Variants in LY75 observed in about 807,000 individuals in gnomAD.
LY75 encodes lymphocyte antigen 75, also known as C-type lectin domain family 13 member B.
Under a neutral mutation model 231.7 loss-of-function variants are expected in LY75, and 185 were observed. That is an observed-to-expected ratio of 0.80 (90% CI 0.71 to 0.90). LY75 has a LOEUF of 0.90. Among genes scored for constraint, LY75 ranks in the 40% least tolerant of loss-of-function variants. LY75 has a pLI of 0.00. For synonymous variants in LY75, 668 were observed against 689.0 expected (o/e 0.97, Z 0.48); for missense variants, 1,947 against 2,050.2 (o/e 0.95, Z 0.97).
intron 3 of LY75, 83 bp downstream of exon 3, chr2:159,893,831 A>G (rs1685830837): frequency 6.8e-7 from 1 of 1,467,468 alleles, no homozygotes; most frequent in Non-Finnish European, 9.1e-7. Context: ...GTCACTTTTG[A>G]GTCACTTTGA....
chr2:159,822,594 C>T (rs998026316), intron 28 of LY75, among the ~76,000 whole-genome samples: 11 of 152,226 alleles, frequency 7.2e-5, no homozygotes, highest in African/African-American at 2.7e-4. Context: ...AGCAGCGGAC[C>T]TCCCAGCACA....
intron 21 of LY75, 129 bp downstream of exon 21, chr2:159,852,072 A>G: frequency 6.7e-6 from 9 of 1,334,142 alleles, no homozygotes; most frequent in Non-Finnish European, 8.9e-6. Flanking sequence ...ACAGAGGGCC[A>G]GGTGGGATCC....
intron 28 of LY75, among the ~76,000 whole-genome samples, chr2:159,830,436 T>C (rs1428151722): frequency 6.6e-6 from 1 of 152,280 alleles, no homozygotes; most frequent in South Asian, 2.1e-4. Flanking sequence ...TCTTTCTAAA[T>C]GCTCAGAAGC....
intron 18 of LY75, among the ~76,000 whole-genome samples, chr2:159,854,028 A>G (rs965600912): frequency 1.3e-5 from 2 of 151,994 alleles, no homozygotes; most frequent in African/African-American, 4.8e-5. Flanking sequence ...CCCAAAAATT[A>G]TTTTGCAAAG....
At chr2:159,820,019 C>T (rs1683240815) in intron 28 of LY75, 99 bp from the exon 29 acceptor site, 4 of 1,222,524 alleles carry the variant, frequency 3.3e-6, no homozygotes, top group South Asian at 3.8e-5. Flanking sequence ...TTTCTCTTTT[C>T]CCAACCTTCT....
chr2:159,861,725 G>A (rs912776247), intron 14 of LY75, among the ~76,000 whole-genome samples: 1 of 152,118 alleles, frequency 6.6e-6, no homozygotes, highest in Non-Finnish European at 1.5e-5. Flanking sequence ...GTGACACAGT[G>A]AGACTCTGTC....
At position 159,853,695 on chromosome 2, in the gene LY75, T is replaced by C. The variant is rs1560082692; in HGVS notation, c.2598A>G (p.Ile866Met). Residue 866 changes from isoleucine to methionine, a missense_variant and splice_region_variant, in exon 19 of 35, where the codon ATA (isoleucine) becomes ATG (methionine). By Grantham distance (10) the Ile-to-Met change is conservative. Transcript: ENST00000263636. ...LKAIKNKIAN[I>M]SGDGQKWWIR... ...TCCACCACTTCTGTCCATCACCAGA[T>C]ATCTGAAAAACAAGCCAAACATCCA... is the stretch of plus-strand genomic sequence containing the variant. 2 of 1,613,486 alleles carry C rather than the reference T, an allele frequency of 1.2e-6. No homozygotes were observed. The highest frequency in any genetic ancestry group is 1.7e-6 in the Non-Finnish European group (2 of 1,179,814).
intron 2 of LY75, among the ~76,000 whole-genome samples, chr2:159,894,598 A>C (rs1685856833): frequency 6.6e-6 from 1 of 152,234 alleles, no homozygotes; most frequent in African/African-American, 2.4e-5. Flanking sequence ...AAATAGTCCC[A>C]TTGTTCAGAG....
At chr2:159,874,511 A>G (rs1685151440) in intron 12 of LY75, among the ~76,000 whole-genome samples, 1 of 89,898 alleles carries the variant, frequency 1.1e-5, no homozygotes, top group Non-Finnish European at 2.3e-5. Flanking sequence ...AATCTATATA[A>G]ATATGTACAT....
intron 27 of LY75, among the ~76,000 whole-genome samples, chr2:159,833,328 G>A (rs190953776): frequency 6.6e-6 from 1 of 152,048 alleles, no homozygotes; most frequent in African/African-American, 2.4e-5. Flanking sequence ...TGTTGCCCAG[G>A]CTGGTCTTGA....
intron 6 of LY75, among the ~76,000 whole-genome samples, chr2:159,883,423 T>C (rs1464324686): frequency 6.6e-6 from 1 of 152,218 alleles, no homozygotes; most frequent in Non-Finnish European, 1.5e-5. Flanking sequence ...TATTGTTATA[T>C]TTTATAATTA....
intron 14 of LY75, among the ~76,000 whole-genome samples, chr2:159,862,291 C>CA (rs71000315): frequency 0.042 from 5,125 of 123,338 alleles, 258 homozygotes; most frequent in East Asian, 0.16. Flanking sequence ...GACTACGTCT[C>CA]AAAAAAAAAA....
At chr2:159,806,479 A>G (rs1484356489) in intron 34 of LY75, among the ~76,000 whole-genome samples, 1 of 152,226 alleles carries the variant, frequency 6.6e-6, no homozygotes, top group Non-Finnish European at 1.5e-5. Context: ...TTTAATGGTA[A>G]TTTTATGTAT....
chr2:159,858,088 TC>T (rs1444931064), intron 16 of LY75, among the ~76,000 whole-genome samples: 1 of 152,228 alleles, frequency 6.6e-6, no homozygotes, highest in African/African-American at 2.4e-5. Context: ...AAATAATATT[TC>T]ATCCAAAATC....
At chr2:159,819,983 C>T (rs1201948037) in intron 28 of LY75, 63 bp from the exon 29 acceptor site, 30 of 1,448,738 alleles carry the variant, frequency 2.1e-5, no homozygotes, top group Admixed American at 5.0e-5. Context: ...TACACTTATA[C>T]AGTTAAGATT....
At chr2:159,860,724 G>T in intron 15 of LY75, 97 bp downstream of exon 15, 1 of 1,438,976 alleles carries the variant, frequency 6.9e-7, no homozygotes, top group Non-Finnish European at 9.7e-7. Context: ...CTAACATCAT[G>T]CTTCACATAA....
chr2:159,808,481 C>T lies in LY75; in HGVS notation c.4790G>A (p.Arg1597Lys), dbSNP rs1156507321. The T allele has an allele frequency of 2.5e-6, 4 of 1,613,894 alleles. No individual in the cohort carries two copies. The highest frequency in any genetic ancestry group is 3.4e-6 in the Non-Finnish European group (4 of 1,179,958). ...LMRENNNITMRVWLGLSQHSV... is the reference protein window; with the variant it reads ...LMRENNNITMKVWLGLSQHSV... ...ATGTTGAGATAATCCAAGCCAAACT[C>T]TCATGGTAATGTTATTATTTTCCCT... Residue 1597 changes from arginine (R) to lysine (K), a missense_variant, in exon 33 of 35, where the codon AGA becomes AAA. Coordinates refer to ENST00000263636, the MANE Select transcript of LY75 (RefSeq NM_002349.4).
intron 16 of LY75, among the ~76,000 whole-genome samples, chr2:159,855,635 C>G (rs1248187336): frequency 6.6e-6 from 1 of 152,146 alleles, no homozygotes; most frequent in Non-Finnish European, 1.5e-5. Flanking sequence ...TGGCTTAACC[C>G]TCTCTGAGCC....
At chr2:159,865,515 C>G (rs1388611866) in intron 13 of LY75, among the ~76,000 whole-genome samples, 4 of 151,930 alleles carry the variant, frequency 2.6e-5, no homozygotes, top group Admixed American at 2.6e-4. Flanking sequence ...GCAATGATGA[C>G]ACAGAGAAGT....
Sources: allele counts gnomAD v4.1 joint callset (sites outside exome capture counted in the v4.1 genomes callset), GRCh38; gene constraint gnomAD v4.1.1; transcripts MANE v1.5; gene names NCBI Gene and HGNC (gene_info 2026-07-23, HGNC 2026-07-21).